KITLG: variants seen among roughly 807,000 people sequenced by gnomAD.
KITLG encodes the protein KIT ligand.
KITLG carries 13 observed loss-of-function variants against 34.1 expected under a neutral mutation model. The observed-to-expected ratio is 0.38, with a 90% CI of 0.25 to 0.61. The LOEUF (loss-of-function observed/expected upper bound fraction) is 0.61, where lower values mean the gene tolerates loss of function less well. Ranked by LOEUF, KITLG falls within the 20% of genes least tolerant of loss-of-function variation. The pLI is 0.60. For synonymous variants in KITLG, 110 were observed against 104.0 expected, an observed-to-expected ratio of 1.06 and a Z score of -0.35; for missense variants, 292 against 318.9, an observed-to-expected ratio of 0.92 and a Z score of 0.64.
At chr12:88,515,387 T>C (rs1869418963) in intron 6 of KITLG, 147 bp downstream of exon 6, 1 of 580,010 alleles carries the variant, frequency 1.7e-6, no homozygotes, top group Non-Finnish European at 3.1e-6. Context: ...TCTACAAACT[T>C]AAGTCTCAAG....
intron 3 of KITLG, among the ~76,000 whole-genome samples, chr12:88,529,974 G>A (rs1207731690): frequency 1.3e-5 from 2 of 152,224 alleles, no homozygotes; most frequent in Non-Finnish European, 2.9e-5. Flanking sequence ...ATATGTGGCA[G>A]TGAATCAGCT....
At chr12:88,551,135 T>C (rs1393202122) in intron 1 of KITLG, among the ~76,000 whole-genome samples, 1 of 152,244 alleles carries the variant, frequency 6.6e-6, no homozygotes, top group African/African-American at 2.4e-5. Context: ...CCATTATAAA[T>C]AAATTCATAT....
At position 88,495,407 on chromosome 12, in the gene KITLG, T is replaced by G. The variant is rs1216447118; in HGVS notation, c.*1812A>C. On this transcript the variant is annotated 3_prime_UTR_variant, in exon 10 of 10. Coordinates refer to ENST00000644744, the MANE Select transcript of KITLG (RefSeq NM_000899.5). ...CCTATCAGCAATTTAAATTGATCTC[T>G]GGTTTTATTACTAATCAAGTGTACC... 1 of 152,386 alleles carries G rather than the reference T, an allele frequency of 6.6e-6. No homozygotes were observed. The highest frequency in any genetic ancestry group is 1.5e-5 in the Non-Finnish European group (1 of 67,992). The allele number at this position is 152,386 out of a possible 1,614,324, so 9.4% of individuals were successfully genotyped here.
chr12:88,514,881 C>G (rs569100604), intron 6 of KITLG, among the ~76,000 whole-genome samples: 27 of 151,704 alleles, frequency 1.8e-4, no homozygotes, highest in African/African-American at 5.8e-4. Flanking sequence ...CTTCCTGCAC[C>G]TTCCATGAGG....
intron 1 of KITLG, chr12:88,546,170 T>C (rs1340648634): frequency 9.5e-6 from 4 of 421,940 alleles, no homozygotes; most frequent in African/African-American, 8.2e-5. Flanking sequence ...ACTTAGCCCT[T>C]AGGGTATCTT....
intron 3 of KITLG, among the ~76,000 whole-genome samples, chr12:88,526,947 A>G (rs1369707113): frequency 6.7e-6 from 1 of 149,740 alleles, no homozygotes; most frequent in Non-Finnish European, 1.5e-5. Context: ...TGGCTCACTG[A>G]AAACTCCACC....
In KITLG at chr12:88,580,413, C is replaced by T; in HGVS notation, c.-135G>A. On this transcript the variant is annotated 5_prime_UTR_variant, in exon 1 of 10. Coordinates refer to ENST00000644744, the MANE Select transcript of KITLG (RefSeq NM_000899.5). ...TTGGGTAGCCCGAGCGCAGCGCCCTCTCCACTGTCCCTGCTTCCCGCAGCG... is the reference window on the plus strand; with the variant it reads ...TTGGGTAGCCCGAGCGCAGCGCCCTTTCCACTGTCCCTGCTTCCCGCAGCG... The T allele has an allele frequency of 9.7e-7, 1 of 1,026,004 alleles. No individual in the cohort carries two copies. Among genetic ancestry groups the T allele is most frequent in the South Asian group, 1.4e-5 (1 of 73,328 alleles). 63.6% of individuals were successfully genotyped at this position (1,026,004 alleles called of 1,614,324 possible). A position where few individuals can be genotyped will look rare whatever the true frequency, so the allele number is the denominator to read the frequency against.
intron 9 of KITLG, among the ~76,000 whole-genome samples, chr12:88,502,229 C>T (rs1374790243): frequency 6.6e-6 from 1 of 152,100 alleles, no homozygotes; most frequent in African/African-American, 2.4e-5. Context: ...ATAATTCTGG[C>T]TTCTTTAACC....
chr12:88,551,644 T>A (rs755184022), intron 1 of KITLG, among the ~76,000 whole-genome samples: 1 of 152,248 alleles, frequency 6.6e-6, no homozygotes, highest in Non-Finnish European at 1.5e-5. Flanking sequence ...AGGTCATTAC[T>A]TGCAACATAT....
At chr12:88,561,723 G>A (rs1029214111) in intron 1 of KITLG, among the ~76,000 whole-genome samples, 1 of 152,124 alleles carries the variant, frequency 6.6e-6, no homozygotes, top group Non-Finnish European at 1.5e-5. Context: ...CCATGTTTAC[G>A]CCTTAGTAAC....
At chr12:88,536,115 A>G (rs1012976331) in intron 2 of KITLG, among the ~76,000 whole-genome samples, 1 of 152,146 alleles carries the variant, frequency 6.6e-6, no homozygotes, top group East Asian at 1.9e-4. Flanking sequence ...TAAATAGACA[A>G]CCTACAGAAT....
chr12:88,504,676 G>A (rs1429465719), intron 9 of KITLG, among the ~76,000 whole-genome samples: 3 of 152,164 alleles, frequency 2.0e-5, no homozygotes, highest in Admixed American at 6.5e-5. Context: ...GGACTGTAAA[G>A]TAGTTCAACC....
chr12:88,556,019 G>A (rs186074695), intron 1 of KITLG, among the ~76,000 whole-genome samples: 1 of 152,088 alleles, frequency 6.6e-6, no homozygotes, highest in Admixed American at 6.5e-5. Flanking sequence ...GGGGACAGGG[G>A]CATTTGAGGG....
chr12:88,546,073 T>A (rs764798365), intron 1 of KITLG: 26 of 660,784 alleles, frequency 3.9e-5, no homozygotes, highest in Non-Finnish European at 6.7e-5. Context: ...ATTCTCTCAA[T>A]GACAATATTG....
intron 3 of KITLG, among the ~76,000 whole-genome samples, chr12:88,530,205 G>A (rs1026312276): frequency 2.6e-5 from 4 of 152,162 alleles, no homozygotes; most frequent in Non-Finnish European, 5.9e-5. Flanking sequence ...TTACCTAGAG[G>A]CTTCCCTTCA....
intron 1 of KITLG, among the ~76,000 whole-genome samples, chr12:88,579,108 T>TC (rs1871925807): frequency 6.6e-6 from 1 of 152,094 alleles, no homozygotes; most frequent in Admixed American, 6.5e-5. Context: ...GGGGCTAGAG[T>TC]CTTGCAACTT....
chr12:88,536,886 T>C (rs375470516), intron 2 of KITLG, among the ~76,000 whole-genome samples: 33 of 151,986 alleles, frequency 2.2e-4, no homozygotes, highest in African/African-American at 8.0e-4. Context: ...CTAATGTAGG[T>C]GAGGGGTTGA....
intron 3 of KITLG, among the ~76,000 whole-genome samples, chr12:88,531,058 A>G (rs1812245791): frequency 6.6e-6 from 1 of 152,176 alleles, no homozygotes; most frequent in African/African-American, 2.4e-5. Context: ...CTCAAGAAAC[A>G]CAGTACAGTA....
intron 9 of KITLG, among the ~76,000 whole-genome samples, chr12:88,497,836 G>A (rs2120777755): frequency 6.6e-6 from 1 of 152,236 alleles, no homozygotes; most frequent in African/African-American, 2.4e-5. Context: ...ATCTAGTTAG[G>A]TTCTAGCAAT....
Sources: gnomAD v4.1 joint callset for allele counts (sites outside exome capture counted in the v4.1 genomes callset) on GRCh38, gnomAD v4.1.1 for gene constraint, MANE v1.5 for transcripts, NCBI Gene and HGNC (gene_info 2026-07-23, HGNC 2026-07-21) for gene names.